Variants in AGAP6 observed in about 807,000 individuals in gnomAD.
The protein encoded by AGAP6 is arf-GAP with GTPase, ANK repeat and PH domain-containing protein 6.
In AGAP6, 29 loss-of-function variants were observed where a neutral mutation model predicts 63.9. The ratio of observed to expected loss-of-function variants is 0.45; its 90% CI spans 0.34 to 0.62. The LOEUF (loss-of-function observed/expected upper bound fraction) is 0.62. Among genes scored for constraint, AGAP6 ranks in the 20% least tolerant of loss-of-function variants. The pLI is 0.01. For synonymous variants in AGAP6, 199 were observed against 332.9 expected, an observed-to-expected ratio of 0.60 and a Z score of 4.38; for missense variants, 493 against 884.9, an observed-to-expected ratio of 0.56 and a Z score of 5.62.
chr10:50,001,309 G>A (rs371983719), intron 4 of AGAP6, among the ~76,000 whole-genome samples: 2 of 150,240 alleles, frequency 1.3e-5, no homozygotes, highest in Admixed American at 6.6e-5. Context: ...CAGCCTGGGC[G>A]ACAGAGCGAG....
At chr10:49,991,316 A>T (rs1163304140) in intron 2 of AGAP6, among the ~76,000 whole-genome samples, 3 of 151,714 alleles carry the variant, frequency 2.0e-5, no homozygotes, top group Admixed American at 2.0e-4. Flanking sequence ...TTTAAAACTT[A>T]CTGACATCTT....
intron 6 of AGAP6, among the ~76,000 whole-genome samples, chr10:50,005,730 G>A (rs1308061205): frequency 1.3e-5 from 2 of 149,376 alleles, no homozygotes; most frequent in East Asian, 2.0e-4. Context: ...AGACCAGCCC[G>A]ACCAACATGG....
intron 2 of AGAP6, among the ~76,000 whole-genome samples, chr10:49,990,457 AG>A (rs1245670832): frequency 4.6e-5 from 7 of 152,200 alleles, no homozygotes; most frequent in Admixed American, 6.5e-5. Context: ...AAAAATAAAA[AG>A]GAAAGAAAGT....
chr10:49,994,093 A>G (rs1412875390), intron 3 of AGAP6, among the ~76,000 whole-genome samples: 2 of 152,126 alleles, frequency 1.3e-5, no homozygotes, highest in African/African-American at 4.8e-5. Context: ...TGCAACAGTT[A>G]AACTTTTTAT....
chr10:49,988,978 C>G (rs782219722), intron 1 of AGAP6, 40 bp downstream of exon 1: 16 of 1,600,370 alleles, frequency 1.0e-5, no homozygotes, highest in Non-Finnish European at 1.4e-5. Flanking sequence ...CGGTTTGCCT[C>G]TGGCTGCTGC....
chr10:50,005,422 T>C (rs1238844636), intron 6 of AGAP6, among the ~76,000 whole-genome samples: 37 of 152,114 alleles, frequency 2.4e-4, no homozygotes, highest in African/African-American at 6.5e-4. Flanking sequence ...CCATCCTGGC[T>C]AACACGGCAA....
At chr10:49,990,444 C>T (rs1421022928) in intron 2 of AGAP6, among the ~76,000 whole-genome samples, 4 of 152,290 alleles carry the variant, frequency 2.6e-5, no homozygotes, top group South Asian at 2.1e-4. Flanking sequence ...GACTCCGTCT[C>T]ACAAAAATAA....
chr10:49,990,713 T>C (rs2132116309), intron 2 of AGAP6, among the ~76,000 whole-genome samples: 2 of 152,332 alleles, frequency 1.3e-5, no homozygotes, highest in South Asian at 4.1e-4. Flanking sequence ...ATTTCATTAC[T>C]GTAGAGGAAA....
chr10:49,992,374 G>A (rs1554861222), intron 3 of AGAP6, among the ~76,000 whole-genome samples: 1 of 152,172 alleles, frequency 6.6e-6, no homozygotes, highest in African/African-American at 2.4e-5. Context: ...GCCATACACA[G>A]CCAAGTTTTC....
intron 4 of AGAP6, among the ~76,000 whole-genome samples, chr10:49,996,334 T>G (rs1554861926): frequency 6.6e-6 from 1 of 152,176 alleles, no homozygotes; most frequent in African/African-American, 2.4e-5. Flanking sequence ...TTCCTTCCAA[T>G]GTGTGGTGGT....
At position 49,988,913 on chromosome 10, in the gene AGAP6, C is replaced by T. The variant is rs531956434; in HGVS notation, c.198C>T (p.His66=). The part of the protein sequence containing the change: ...VEVGEDLHMH[H]VRDREMPEAL... ...TTGGTGAGGACCTCCACATGCACCA[C>T]GTTCGTGACCGGGAGATGCCTGAAG... is the stretch of plus-strand genomic sequence containing the variant. Residue 66 remains histidine, a synonymous_variant, in exon 1 of 8, where the codon CAC becomes CAT. Coordinates refer to ENST00000412531, the MANE Select transcript of AGAP6 (RefSeq NM_001077665.3). The T allele has an allele frequency of 9.4e-6, 15 of 1,596,984 alleles. No individual in the cohort carries two copies. The highest frequency in any genetic ancestry group is 1.8e-4 in the Middle Eastern group (1 of 5,608).
In AGAP6 at chr10:49,988,834, T is replaced by C. The variant is rs1841145444; in HGVS notation, c.119T>C (p.Met40Thr). ...ETYEAGARDRMAGAPMAAAVQ... is the reference protein window; with the variant it reads ...ETYEAGARDRTAGAPMAAAVQ... ...TATGAGGCAGGAGCTAGGGACAGGA[T>C]GGCAGGAGCGCCCATGGCTGCTGCT... The change falls in exon 1 of 8, where the codon ATG becomes ACG. Residue 40 changes from methionine (M) to threonine (T), a missense_variant. By Grantham distance (81) the Met-to-Thr change is moderately conservative (BLOSUM62 -1). Around this residue, in one of 7 missense-constraint regions of AGAP6, gnomAD observed 342 missense variants for 533.4 expected, o/e 0.64. Transcript: ENST00000412531. 6.5e-7 allele frequency: 1 copy of C among 1,549,124 alleles called. No individual in the cohort carries two copies. Among genetic ancestry groups the C allele is most frequent in the African/African-American group, 1.4e-5 (1 of 71,584 alleles).
At chr10:50,005,937 G>A (rs1159933149) in intron 6 of AGAP6, among the ~76,000 whole-genome samples, 1 of 146,210 alleles carries the variant, frequency 6.8e-6, no homozygotes, top group Non-Finnish European at 1.5e-5. Flanking sequence ...GAAAAAAGAA[G>A]CAATAAGATG....
chr10:50,009,686 C>G lies in AGAP6; in HGVS notation c.1561C>G (p.Leu521Val), dbSNP rs1554865271. ...PHLSRVRSLE[L>V]DDWPVELRKV... ...CCTTTCCCGTGTGCGATCTCTGGAG[C>G]TGGATGACTGGCCAGTTGAGCTCAG... The change falls in exon 8 of 8, where the codon CTG becomes GTG. Residue 521 changes from leucine to valine, a missense_variant. This residue lies in a region of AGAP6 where 87 missense variants were observed against 92.9 expected (regional missense o/e 0.94). Coordinates refer to ENST00000412531, the MANE Select transcript of AGAP6 (RefSeq NM_001077665.3). The G allele has an allele frequency of 1.9e-6, 3 of 1,614,232 alleles. No individual in the cohort carries two copies. Among genetic ancestry groups the G allele is most frequent in the South Asian group, 2.2e-5 (2 of 91,088 alleles).
In AGAP6 at chr10:49,991,683, G is replaced by T. The variant is rs1480760189; in HGVS notation, c.300G>T (p.Glu100Asp). 1.9e-6 allele frequency: 3 copies of T among 1,598,220 alleles called. No homozygotes were observed. Among genetic ancestry groups the T allele is most frequent in the Admixed American group, 3.3e-5 (2 of 59,922 alleles). ...CTTCCTCTGTGCATATAGCTTTGGA[G>T]TTTAACCCTTCTGCCAATCCAGAGG... ...FQRNSQTEALEFNPSANPEAS... is the reference protein window; with the variant it reads ...FQRNSQTEALDFNPSANPEAS... Residue 100 changes from glutamate to aspartate, a missense_variant, in exon 3 of 8, where the codon GAG (glutamate) becomes GAT (aspartate). Coordinates refer to ENST00000412531, the MANE Select transcript of AGAP6 (RefSeq NM_001077665.3).
At chr10:49,992,860 C>T (rs1841335854) in intron 3 of AGAP6, among the ~76,000 whole-genome samples, 1 of 152,100 alleles carries the variant, frequency 6.6e-6, no homozygotes, top group South Asian at 2.1e-4. Flanking sequence ...CTCCCAGGTT[C>T]AAGCAATTCT....
rs531687135 is a variant in AGAP6, at chr10:49,993,874, G to GT, written c.362-515dup. 4.7e-4 allele frequency among the ~76,000 whole-genome samples: 72 copies of GT among 151,702 alleles called. No homozygotes were observed. In the East Asian group the frequency reaches 0.011, roughly 22 times the overall value. ...GTTACTTTCCAGTTGTGTAAAGACC[G>GT]TTTTTTAATTTTGATTTGTTTTTAG... On this transcript the variant is annotated intron_variant, in intron 3 of 7. Coordinates refer to ENST00000412531, the MANE Select transcript of AGAP6 (RefSeq NM_001077665.3).
rs1554865219 is a variant in AGAP6, at chr10:50,009,643, C to T, written c.1518C>T (p.His506=). The change falls in exon 8 of 8, where the codon CAC becomes CAT. Residue 506 remains histidine (H), a synonymous_variant. Transcript: ENST00000412531. ...TGTGTATTGAATGCTCAGGTATCCACCGCAGTCTTGGCCCCCACCTTTCCC... is the reference window on the plus strand; with the variant it reads ...TGTGTATTGAATGCTCAGGTATCCATCGCAGTCTTGGCCCCCACCTTTCCC... ...VLMCIECSGI[H]RSLGPHLSRV... 1 of 1,614,124 alleles carries T rather than the reference C, an allele frequency of 6.2e-7. No individual in the cohort carries two copies. Among genetic ancestry groups the T allele is most frequent in the Non-Finnish European group, 8.5e-7 (1 of 1,179,972 alleles).
chr10:49,991,884 G>A (rs1476016691), intron 3 of AGAP6, 140 bp downstream of exon 3: 143 of 1,341,218 alleles, frequency 1.1e-4, no homozygotes, highest in Non-Finnish European at 1.4e-4. Flanking sequence ...TTTAATATGT[G>A]ATATACTTTC....
Sources: allele counts gnomAD v4.1 joint callset (sites outside exome capture counted in the v4.1 genomes callset), GRCh38; gene constraint gnomAD v4.1.1; regional missense constraint gnomAD v4.1.1; transcripts MANE v1.5; gene names NCBI Gene and HGNC (gene_info 2026-07-23, HGNC 2026-07-21).